KCNH7: variants seen among roughly 807,000 people sequenced by gnomAD.
The protein encoded by KCNH7 is potassium voltage-gated channel subfamily H member 7.
KCNH7 carries 49 observed loss-of-function variants against 120.8 expected under a neutral mutation model. The ratio of observed to expected loss-of-function variants is 0.41; its 90% CI spans 0.32 to 0.51. The LOEUF is 0.51. KCNH7 is among the 20% of genes least tolerant of loss of function. The pLI, the probability that KCNH7 is intolerant of heterozygous loss-of-function variation, is 0.38. For synonymous variants in KCNH7, 547 were observed against 516.1 expected, an observed-to-expected ratio of 1.06 and a Z score of -0.81; for missense variants, 1,097 against 1,446.6, an observed-to-expected ratio of 0.76 and a Z score of 3.92.
At chr2:162,806,942 TA>T (rs1324799719) in intron 2 of KCNH7, among the ~76,000 whole-genome samples, 2 of 152,086 alleles carry the variant, frequency 1.3e-5, no homozygotes, top group Non-Finnish European at 2.9e-5. Context: ...TCTATGCATT[TA>T]AACAGTTATG....
rs141521361 is a variant in KCNH7 at position 162,700,570 on chromosome 2, GA to G, written c.307+135966del. ...AGACAACCAATCAAGAATTCTACAT[GA>G]AAAAAAATGTAAATGTTTGCAAGGA... On this transcript the variant is annotated intron_variant, in intron 2 of 15. Coordinates refer to ENST00000332142, the MANE Select transcript of KCNH7 (RefSeq NM_033272.4). Among the ~76,000 whole-genome samples, 1,427 of 151,820 alleles carry G rather than the reference GA, an allele frequency of 9.4e-3. 38 individuals are homozygous for G. The East Asian group carries it at 0.11, about 12-fold the overall frequency.
At chr2:162,644,314 T>A (rs1684274908) in intron 2 of KCNH7, among the ~76,000 whole-genome samples, 2 of 152,150 alleles carry the variant, frequency 1.3e-5, no homozygotes, top group South Asian at 4.1e-4. Flanking sequence ...AGTTTTTCTT[T>A]TTTTTTTAAT....
At chr2:162,376,910 T>A (rs1159921428) in intron 14 of KCNH7, among the ~76,000 whole-genome samples, 1 of 152,164 alleles carries the variant, frequency 6.6e-6, no homozygotes, top group East Asian at 1.9e-4. Flanking sequence ...TTTAACCCTA[T>A]CTATAGGTTA....
intron 2 of KCNH7, among the ~76,000 whole-genome samples, chr2:162,761,901 T>G (rs535571952): frequency 2.6e-5 from 4 of 152,082 alleles, no homozygotes; most frequent in African/African-American, 4.8e-5. Flanking sequence ...TTCCTTTAAT[T>G]CTGATATTTC....
At chr2:162,719,533 G>A (rs1039164710) in intron 2 of KCNH7, among the ~76,000 whole-genome samples, 12 of 151,864 alleles carry the variant, frequency 7.9e-5, no homozygotes, top group Non-Finnish European at 1.5e-4. Context: ...TGATTTCTTA[G>A]TAATAAAGTT....
At chr2:162,462,154 T>C (rs796393292) in intron 6 of KCNH7, among the ~76,000 whole-genome samples, 7 of 152,192 alleles carry the variant, frequency 4.6e-5, no homozygotes, top group African/African-American at 1.4e-4. Flanking sequence ...TTTGCACCAT[T>C]TACAGGTCAA....
intron 3 of KCNH7, among the ~76,000 whole-genome samples, chr2:162,523,128 C>T (rs778246479): frequency 7.9e-5 from 12 of 151,712 alleles, no homozygotes; most frequent in African/African-American, 2.4e-4. Flanking sequence ...CAGCAGTTTC[C>T]GTGATTAATT....
intron 2 of KCNH7, among the ~76,000 whole-genome samples, chr2:162,570,565 C>G (rs1019939499): frequency 6.6e-6 from 1 of 151,914 alleles, no homozygotes; most frequent in Admixed American, 6.6e-5. Flanking sequence ...GAATTTGATC[C>G]TGTCATTATG....
intron 10 of KCNH7, 50 bp from the exon 11 acceptor site, chr2:162,396,995 T>G (rs1373691754): frequency 7.9e-7 from 1 of 1,260,802 alleles, no homozygotes; most frequent in Admixed American, 1.8e-5. Context: ...CCAAACTCAA[T>G]GTTCTCCTTC....
intron 6 of KCNH7, among the ~76,000 whole-genome samples, chr2:162,483,504 A>C (rs1013844024): frequency 1.3e-5 from 2 of 151,794 alleles, no homozygotes; most frequent in African/African-American, 4.8e-5. Context: ...GATAAAAATA[A>C]TTTCCTAAGG....
intron 6 of KCNH7, 102 bp downstream of exon 6, chr2:162,504,341 T>C: frequency 2.4e-6 from 2 of 832,000 alleles, no homozygotes; most frequent in Non-Finnish European, 2.0e-6. Context: ...AGAAAAAATG[T>C]CTTACCTCTA....
chr2:162,571,793 G>T (rs1693486449), intron 2 of KCNH7, among the ~76,000 whole-genome samples: 1 of 147,846 alleles, frequency 6.8e-6, no homozygotes, highest in Admixed American at 6.9e-5. Flanking sequence ...CAAGCAATGG[G>T]GAAAGGATTC....
rs190141116 is a variant in KCNH7, at chr2:162,605,199, C to T, written c.308-68119G>A. Among the ~76,000 whole-genome samples the T allele has an allele frequency of 2.0e-3, 304 of 152,122 alleles. 2 individuals carry two copies. Among genetic ancestry groups the T allele is most frequent in the African/African-American group, 6.9e-3 (288 of 41,554 alleles). ...TTCTTTAAGACAGATTGAAAGTGTGCAGACATGCCAATCTTTCTTCATCCT... is the reference window on the plus strand; with the variant it reads ...TTCTTTAAGACAGATTGAAAGTGTGTAGACATGCCAATCTTTCTTCATCCT... On this transcript the variant is annotated intron_variant, in intron 2 of 15. Transcript: ENST00000332142.
At chr2:162,383,343 G>A (rs532837035) in intron 13 of KCNH7, among the ~76,000 whole-genome samples, 2 of 151,960 alleles carry the variant, frequency 1.3e-5, no homozygotes, top group East Asian at 3.9e-4. Flanking sequence ...TGGGACATTT[G>A]GTAATCACAT....
At position 162,622,367 on chromosome 2, in the gene KCNH7, A is replaced by C. The variant is rs543672949; in HGVS notation, c.308-85287T>G. On this transcript the variant is annotated intron_variant, in intron 2 of 15. Transcript: ENST00000332142. ...ACCTGATCACAATGGGATGTACAGA[A>C]CAGAATGGTTTCTTTGGGTCTAACA... 1.5e-3 allele frequency among the ~76,000 whole-genome samples: 235 copies of C among 152,354 alleles called. 1 individual carries two copies. The highest frequency in any genetic ancestry group is 5.0e-3 in the African/African-American group (207 of 41,588).
chr2:162,746,426 A>G (rs1182079098), intron 2 of KCNH7, among the ~76,000 whole-genome samples: 1 of 152,164 alleles, frequency 6.6e-6, no homozygotes, highest in Non-Finnish European at 1.5e-5. Flanking sequence ...ATTTATAGTG[A>G]ATTCAGCTAC....
At chr2:162,582,819 C>T (rs1693922423) in intron 2 of KCNH7, among the ~76,000 whole-genome samples, 1 of 152,232 alleles carries the variant, frequency 6.6e-6, no homozygotes, top group Non-Finnish European at 1.5e-5. Context: ...TCCAACCTCA[C>T]TTTCCTACCC....
intron 2 of KCNH7, among the ~76,000 whole-genome samples, chr2:162,742,076 A>G (rs947569842): frequency 6.6e-6 from 1 of 152,166 alleles, no homozygotes. Flanking sequence ...ACAAATTAAG[A>G]CATCAAAAGT....
intron 3 of KCNH7, among the ~76,000 whole-genome samples, chr2:162,534,815 A>G (rs904962862): frequency 6.6e-6 from 1 of 151,762 alleles, no homozygotes; most frequent in Non-Finnish European, 1.5e-5. Context: ...GGCAAAAATT[A>G]TAGATCAATC....
Sources: gnomAD v4.1 joint callset for allele counts (sites outside exome capture counted in the v4.1 genomes callset) on GRCh38, gnomAD v4.1.1 for gene constraint, MANE v1.5 for transcripts, NCBI Gene and HGNC (gene_info 2026-07-23, HGNC 2026-07-21) for gene names.